The following RAD51B variants were observed in gnomAD, a reference collection of about 807,000 sequenced individuals.
The protein encoded by RAD51B is DNA repair protein RAD51 homolog 2.
A neutral mutation model predicts 42.2 loss-of-function variants in RAD51B; 38 were observed. The ratio of observed to expected loss-of-function variants is 0.90; its 90% CI spans 0.70 to 1.18. The LOEUF (loss-of-function observed/expected upper bound fraction) is 1.18. RAD51B is among the 50% of genes most tolerant of loss of function. RAD51B has a pLI of 0.00. For synonymous variants in RAD51B, 154 were observed against 145.2 expected (o/e 1.06, Z -0.43); for missense variants, 373 against 400.7 (o/e 0.93, Z 0.59).
At chr14:68,061,065 T>C (rs2076560105) in intron 7 of RAD51B, among the ~76,000 whole-genome samples, 1 of 144,070 alleles carries the variant, frequency 6.9e-6, no homozygotes, top group Non-Finnish European at 1.5e-5. Context: ...TTTTTTTTTT[T>C]TTTTTTTTTT....
chr14:68,426,940 G>A (rs943271471), intron 9 of RAD51B, among the ~76,000 whole-genome samples: 9 of 152,146 alleles, frequency 5.9e-5, no homozygotes, highest in African/African-American at 2.2e-4. Context: ...CACTCAGGAC[G>A]CTACCTTCTG....
intron 7 of RAD51B, among the ~76,000 whole-genome samples, chr14:67,941,126 A>C (rs894485994): frequency 6.6e-6 from 1 of 152,176 alleles, no homozygotes; most frequent in Non-Finnish European, 1.5e-5. Context: ...TTTGCATTTT[A>C]TACATCTGGA....
Position 68,468,159 on chromosome 14 carries a change from G to C in RAD51B, c.958-13G>C, listed in dbSNP as rs946741453. 3.1e-6 allele frequency: 5 copies of C among 1,611,364 alleles called. No individual in the cohort carries two copies. Among genetic ancestry groups the C allele is most frequent in the Non-Finnish European group, 4.2e-6 (5 of 1,177,744 alleles). ...CCTTTGACTAACCCTAGAAAAATGT[G>C]CTTTATGTGCAGATTCTTATTGCCA... On this transcript the variant is annotated splice_polypyrimidine_tract_variant and intron_variant, in intron 9 of 10. Coordinates refer to ENST00000471583, the MANE Select transcript of RAD51B (RefSeq NM_133510.4).
chr14:68,351,288 A>T (rs1423594099), intron 8 of RAD51B, among the ~76,000 whole-genome samples: 1 of 152,224 alleles, frequency 6.6e-6, no homozygotes, highest in Admixed American at 6.5e-5. Context: ...TGAACTAAAG[A>T]CCAGAAGTAG....
chr14:68,272,665 A>ATATATATGTTTTTTTTTTTTTTT (rs2081140091), intron 7 of RAD51B, among the ~76,000 whole-genome samples: 1 of 12,474 alleles, frequency 8.0e-5, no homozygotes, highest in Non-Finnish European at 1.4e-4. Context: ...ATATATATAT[A>ATATATATGTTTTTTTTTTTTTTT]TTTTTTTTTT....
intron 8 of RAD51B, among the ~76,000 whole-genome samples, chr14:68,353,297 A>C (rs1443354424): frequency 6.6e-6 from 1 of 152,220 alleles, no homozygotes; most frequent in Non-Finnish European, 1.5e-5. Flanking sequence ...AAAGTAATGC[A>C]TTGGGGGTAA....
chr14:67,865,682 G>A (rs1197114701), intron 5 of RAD51B, among the ~76,000 whole-genome samples: 2 of 151,804 alleles, frequency 1.3e-5, no homozygotes, highest in Non-Finnish European at 2.9e-5. Flanking sequence ...GGGATTACAG[G>A]CGCCCTACCA....
chr14:68,641,841 G>C (rs1305513736), intron 10 of RAD51B, among the ~76,000 whole-genome samples: 2 of 149,868 alleles, frequency 1.3e-5, no homozygotes, highest in African/African-American at 4.9e-5. Flanking sequence ...GATTATAGGT[G>C]TGAGCCACCA....
At chr14:68,134,721 G>A (rs993841174) in intron 7 of RAD51B, among the ~76,000 whole-genome samples, 6 of 151,110 alleles carry the variant, frequency 4.0e-5, no homozygotes, top group Admixed American at 6.6e-5. Flanking sequence ...TATATATCCC[G>A]CTTGAGTGAA....
chr14:68,381,778 T>C (rs1273106587), intron 8 of RAD51B, among the ~76,000 whole-genome samples: 1 of 152,206 alleles, frequency 6.6e-6, no homozygotes, highest in Non-Finnish European at 1.5e-5. Flanking sequence ...AATAAGTGGA[T>C]TGGGTTAAAA....
chr14:68,273,572 G>A (rs79902918), intron 7 of RAD51B, among the ~76,000 whole-genome samples: 69 of 152,310 alleles, frequency 4.5e-4, no homozygotes, highest in African/African-American at 1.5e-3. Flanking sequence ...ATCAGGCCCC[G>A]TTAGCCTGCT....
chr14:68,049,239 A>G (rs28470365), intron 7 of RAD51B, among the ~76,000 whole-genome samples: 41,703 of 151,998 alleles, frequency 0.27, 7,484 homozygotes, highest in African/African-American at 0.51. Flanking sequence ...GATAGCATTA[A>G]GAGATATACC....
chr14:68,122,591 G>C (rs1023471954), intron 7 of RAD51B, among the ~76,000 whole-genome samples: 1 of 152,148 alleles, frequency 6.6e-6, no homozygotes, highest in Non-Finnish European at 1.5e-5. Context: ...CTTTTTGGTG[G>C]AATGATAAAT....
At chr14:68,645,339 T>C (rs74466391) in intron 10 of RAD51B, among the ~76,000 whole-genome samples, 277 of 152,354 alleles carry the variant, frequency 1.8e-3, no homozygotes, top group African/African-American at 6.3e-3. Context: ...CCTTCATTTT[T>C]AAGGGTGGAT....
intron 7 of RAD51B, among the ~76,000 whole-genome samples, chr14:68,142,701 A>T (rs2078153296): frequency 6.6e-6 from 1 of 152,196 alleles, no homozygotes; most frequent in South Asian, 2.1e-4. Flanking sequence ...AAGTAAAAGT[A>T]GGAATCTAAG....
intron 7 of RAD51B, among the ~76,000 whole-genome samples, chr14:68,215,200 A>G (rs1441052758): frequency 2.0e-5 from 3 of 152,188 alleles, no homozygotes; most frequent in Admixed American, 1.3e-4. Context: ...AATGAGAAGA[A>G]AGTGATTTTT....
intron 7 of RAD51B, among the ~76,000 whole-genome samples, chr14:68,055,543 TTAA>T (rs2076460518): frequency 2.6e-5 from 4 of 152,212 alleles, no homozygotes; most frequent in Admixed American, 1.3e-4. Context: ...TCTTGTATCT[TTAA>T]TATATATCTT....
intron 10 of RAD51B, among the ~76,000 whole-genome samples, chr14:68,592,092 T>C (rs1890769449): frequency 6.6e-6 from 1 of 152,154 alleles, no homozygotes; most frequent in African/African-American, 2.4e-5. Context: ...GCCGTGATAC[T>C]GTGTCCCCTC....
chr14:68,435,208 C>A (rs1594833505), intron 9 of RAD51B, among the ~76,000 whole-genome samples: 1 of 152,178 alleles, frequency 6.6e-6, no homozygotes, highest in South Asian at 2.1e-4. Flanking sequence ...TTCCCAGTGT[C>A]TATTATTCTC....
Sources: gnomAD v4.1 joint callset for allele counts (sites outside exome capture counted in the v4.1 genomes callset) on GRCh38, gnomAD v4.1.1 for gene constraint, MANE v1.5 for transcripts, NCBI Gene and HGNC (gene_info 2026-07-23, HGNC 2026-07-21) for gene names.